SND1: variants seen among roughly 807,000 people sequenced by gnomAD.
SND1 encodes the protein staphylococcal nuclease and tudor domain containing 1.
In SND1, 38 loss-of-function variants were observed where a neutral mutation model predicts 121.7. The observed-to-expected ratio is 0.31, with a 90% CI of 0.24 to 0.41. SND1 has a LOEUF of 0.41. Among genes scored for constraint, SND1 ranks in the 10% least tolerant of loss-of-function variants. The pLI is 1.00. For synonymous variants in SND1, 401 were observed against 447.4 expected (o/e 0.90, Z 1.31); for missense variants, 868 against 1,184.6 (o/e 0.73, Z 3.92).
Position 127,750,701 on chromosome 7 carries a change from G to A in SND1, c.1152+29301G>A, listed in dbSNP as rs148253062. On this transcript the variant is annotated intron_variant, in intron 10 of 23. Coordinates refer to ENST00000354725, the MANE Select transcript of SND1 (RefSeq NM_014390.4). Reference sequence around the variant, plus strand: ...GAACATTTCCTTCGTGTGTCATGTCGATGCCCAAACGTTTCAGATTTTGGA... The same window carrying A: ...GAACATTTCCTTCGTGTGTCATGTCAATGCCCAAACGTTTCAGATTTTGGA... 6.7e-4 allele frequency among the ~76,000 whole-genome samples: 102 copies of A among 152,188 alleles called. No individual in the cohort carries two copies. In the East Asian group the frequency reaches 0.014, roughly 22 times the overall value.
intron 15 of SND1, among the ~76,000 whole-genome samples, chr7:127,981,821 C>T (rs1563078017): frequency 6.6e-6 from 1 of 152,200 alleles, no homozygotes; most frequent in Non-Finnish European, 1.5e-5. Context: ...AATGATTGAG[C>T]ATTTAACCAC....
At chr7:127,931,917 A>G (rs1205009651) in intron 15 of SND1, among the ~76,000 whole-genome samples, 3 of 152,174 alleles carry the variant, frequency 2.0e-5, no homozygotes, top group South Asian at 2.1e-4. Context: ...TTTTTTTGCA[A>G]AATATTACTG....
intron 11 of SND1, among the ~76,000 whole-genome samples, chr7:127,841,257 G>C (rs1054654107): frequency 2.6e-5 from 4 of 151,986 alleles, no homozygotes; most frequent in Admixed American, 6.6e-5. Flanking sequence ...GTAACCTTGA[G>C]ATTAACTTAG....
chr7:127,690,909 G>A (rs991986297), intron 2 of SND1, among the ~76,000 whole-genome samples: 2 of 152,028 alleles, frequency 1.3e-5, no homozygotes, highest in Non-Finnish European at 2.9e-5. Flanking sequence ...TCATGATATC[G>A]TCTTTCAAAG....
intron 14 of SND1, 98 bp from the exon 15 acceptor site, chr7:127,929,090 T>C: frequency 8.1e-7 from 1 of 1,232,528 alleles, no homozygotes. Flanking sequence ...TAGGGTTATT[T>C]GCTTAGCTTC....
At chr7:127,705,748 C>T (rs191321402) in intron 8 of SND1, among the ~76,000 whole-genome samples, 1 of 152,334 alleles carries the variant, frequency 6.6e-6, no homozygotes, top group East Asian at 1.9e-4. Flanking sequence ...TTGCATGACA[C>T]ATTTAAGCAA....
At chr7:127,810,715 G>A (rs1383575994) in intron 11 of SND1, among the ~76,000 whole-genome samples, 2 of 152,204 alleles carry the variant, frequency 1.3e-5, no homozygotes, top group African/African-American at 4.8e-5. Context: ...TTGCTTTCAG[G>A]AGAATAAGGT....
At chr7:127,747,631 T>C (rs904073428) in intron 10 of SND1, among the ~76,000 whole-genome samples, 1 of 152,200 alleles carries the variant, frequency 6.6e-6, no homozygotes, top group African/African-American at 2.4e-5. Flanking sequence ...GGTTGTGACA[T>C]ATTTGACAAG....
chr7:128,024,413 C>A (rs865900306), intron 16 of SND1, among the ~76,000 whole-genome samples: 1 of 152,172 alleles, frequency 6.6e-6, no homozygotes, highest in Non-Finnish European at 1.5e-5. Flanking sequence ...TAATTTTAAG[C>A]CCCTGCTGCT....
chr7:127,918,248 T>C (rs1299296713), intron 14 of SND1, among the ~76,000 whole-genome samples: 2 of 151,290 alleles, frequency 1.3e-5, no homozygotes, highest in Non-Finnish European at 1.5e-5. Flanking sequence ...TTTTTTTCAG[T>C]AGAGAAGGGC....
At chr7:127,816,199 G>A (rs143795665) in intron 11 of SND1, among the ~76,000 whole-genome samples, 27 of 152,162 alleles carry the variant, frequency 1.8e-4, no homozygotes, top group Non-Finnish European at 3.8e-4. Flanking sequence ...CTTCTACTTA[G>A]TAATTAGCAG....
At chr7:127,657,480 TTGA>T (rs1795231835) in intron 1 of SND1, among the ~76,000 whole-genome samples, 1 of 152,150 alleles carries the variant, frequency 6.6e-6, no homozygotes, top group Non-Finnish European at 1.5e-5. Context: ...GTTTCCACCA[TTGA>T]TGATTTATTT....
chr7:127,737,777 G>A (rs1368046318), intron 10 of SND1, among the ~76,000 whole-genome samples: 1 of 152,158 alleles, frequency 6.6e-6, no homozygotes, highest in Non-Finnish European at 1.5e-5. Context: ...TTTCTTTTGA[G>A]TATTATGTTG....
chr7:127,699,039 CTGCA>C (rs1796056611), intron 4 of SND1, 86 bp downstream of exon 4: 1 of 1,047,940 alleles, frequency 9.5e-7, no homozygotes, highest in Non-Finnish European at 1.5e-6. Context: ...ACATGGGTAA[CTGCA>C]GGGGCTTTCA....
intron 12 of SND1, among the ~76,000 whole-genome samples, chr7:127,873,839 C>T (rs1309277613): frequency 2.6e-5 from 4 of 152,086 alleles, no homozygotes; most frequent in Admixed American, 2.6e-4. Flanking sequence ...CTCTTGAAAT[C>T]GAACCTCATA....
At chr7:127,948,481 A>T (rs956309793) in intron 15 of SND1, among the ~76,000 whole-genome samples, 2 of 152,234 alleles carry the variant, frequency 1.3e-5, no homozygotes, top group Non-Finnish European at 2.9e-5. Context: ...TGAGTAGGAG[A>T]TGACAGCTTA....
At position 127,906,367 on chromosome 7, in the gene SND1, C is replaced by A. The variant is rs570174777; in HGVS notation, c.1527+1548C>A. ...CTTGGCCTGTTTTCTGTGTAGCTTACCCAGCTGAGTTATTCTTTGCATATA... is the reference window on the plus strand; with the variant it reads ...CTTGGCCTGTTTTCTGTGTAGCTTAACCAGCTGAGTTATTCTTTGCATATA... On this transcript the variant is annotated intron_variant, in intron 14 of 23. Coordinates refer to ENST00000354725, the MANE Select transcript of SND1 (RefSeq NM_014390.4). Among the ~76,000 whole-genome samples, 61 of 152,196 alleles carry A rather than the reference C, an allele frequency of 4.0e-4. No homozygotes were observed. In the Middle Eastern group the frequency reaches 0.01, roughly 25 times the overall value.
At chr7:127,653,939 G>T (rs1318932882) in intron 1 of SND1, among the ~76,000 whole-genome samples, 1 of 152,178 alleles carries the variant, frequency 6.6e-6, no homozygotes, top group Non-Finnish European at 1.5e-5. Flanking sequence ...TTATCCTAAA[G>T]TGGCTCTTCT....
chr7:127,748,849 C>T (rs1023343244), intron 10 of SND1, among the ~76,000 whole-genome samples: 7 of 151,998 alleles, frequency 4.6e-5, no homozygotes, highest in African/African-American at 1.7e-4. Context: ...TGGAAGTAAA[C>T]AGTTTTTTTG....
Sources: allele counts gnomAD v4.1 joint callset (sites outside exome capture counted in the v4.1 genomes callset), GRCh38; gene constraint gnomAD v4.1.1; transcripts MANE v1.5; gene names NCBI Gene and HGNC (gene_info 2026-07-23, HGNC 2026-07-21).